Variants in KDM2B observed in about 807,000 individuals in gnomAD.
KDM2B encodes the protein lysine demethylase 2B.
A neutral mutation model predicts 150.0 loss-of-function variants in KDM2B; 26 were observed. The observed-to-expected ratio is 0.17, with a 90% CI of 0.13 to 0.24. The LOEUF (loss-of-function observed/expected upper bound fraction) is 0.24. Ranked by LOEUF, KDM2B falls within the 10% of genes least tolerant of loss-of-function variation. KDM2B has a pLI of 1.00. For synonymous variants in KDM2B, 734 were observed against 729.5 expected (o/e 1.01, Z -0.10); for missense variants, 1,265 against 1,816.9 (o/e 0.70, Z 5.52).
In KDM2B at chr12:121,450,459, A is replaced by T. The variant is rs76883207; in HGVS notation, c.1959+2661T>A. ...GCTCAACATCACTAAGAATTAGGGA[A>T]AAGTAAATCAAAACTACAGTGAGAC... On this transcript the variant is annotated intron_variant, in intron 13 of 22. Coordinates refer to ENST00000377071, the MANE Select transcript of KDM2B (RefSeq NM_032590.5). Among the ~76,000 whole-genome samples, 797 of 152,362 alleles carry T rather than the reference A, an allele frequency of 5.2e-3. 5 individuals are homozygous for T. The highest frequency in any genetic ancestry group is 0.018 in the African/African-American group (762 of 41,582).
rs781856001 is a variant in KDM2B at position 121,430,396 on chromosome 12, C to T, written c.3903G>A (p.Arg1301=). The change falls in exon 23 of 23, where the codon AGG becomes AGA. Residue 1301 remains arginine, a synonymous_variant. Transcript: ENST00000377071. This position sits in a 1 kb window ranked among gnomAD's most constrained non-coding sequence, Gnocchi z 4.4. ...CTTCCTTGGTGACTTGCTTGCAGTA[C>T]CTCAGGTCAATATGACAGATGTTTC... ...RCGNICHIDL[R]YCKQVTKEGC... The T allele has an allele frequency of 1.9e-6, 3 of 1,614,122 alleles. No individual in the cohort carries two copies. The highest frequency in any genetic ancestry group is 3.3e-4 in the Middle Eastern group (2 of 6,062).
Position 121,441,114 on chromosome 12 carries a change from T to C in KDM2B, c.3404A>G (p.Asn1135Ser), listed in dbSNP as rs200627052. The C allele has an allele frequency of 7.3e-5, 118 of 1,614,046 alleles. No individual in the cohort carries two copies. The highest frequency in any genetic ancestry group is 7.6e-6 in the Non-Finnish European group (9 of 1,180,028). ...CCAGCTCAGCTGCTTCTTGGAGATA[T>C]TGGTCCAGCTGAGGTCGAGGGAGAC... ...QPVSLDLSWT[N>S]ISKKQLSWLI... Residue 1135 changes from asparagine (N) to serine (S), a missense_variant, in exon 20 of 23, where the codon AAT becomes AGT. Transcript: ENST00000377071.
At position 121,453,429 on chromosome 12, in the gene KDM2B, T is replaced by C. The variant is rs781933460; in HGVS notation, c.1735-85A>G. 6.7e-6 allele frequency: 7 copies of C among 1,044,244 alleles called. No homozygotes were observed. The highest frequency in any genetic ancestry group is 9.7e-6 in the Non-Finnish European group (7 of 724,624). The allele number at this position is 1,044,244 out of a possible 1,614,324, so 64.7% of individuals were successfully genotyped here. A position where few individuals can be genotyped will look rare whatever the true frequency, so the allele number is the denominator to read the frequency against. On this transcript the variant is annotated intron_variant, in intron 12 of 22. Coordinates refer to ENST00000377071, the MANE Select transcript of KDM2B (RefSeq NM_032590.5). This position sits in a 1 kb window ranked among gnomAD's most constrained non-coding sequence, Gnocchi z 6.4. ...GGAAAGGGTGTTAGGGAGCAAACTG[T>C]GTACCCCCAGAAAGACACGATGGGG...
At chr12:121,490,939 C>T (rs1167354247) in intron 12 of KDM2B, among the ~76,000 whole-genome samples, 1 of 152,176 alleles carries the variant, frequency 6.6e-6, no homozygotes, top group Non-Finnish European at 1.5e-5. Flanking sequence ...CCCTACCTCG[C>T]ATCCTGAGGG....
chr12:121,467,403 G>C lies in KDM2B; in HGVS notation c.1735-14059C>G, dbSNP rs1457414389. Reference sequence around the variant, plus strand: ...TGGAGGGGGCGGGGAGGGGCCGGCGGGGGAGGGCCGGGGCGCCATGCATAT... The same window carrying C: ...TGGAGGGGGCGGGGAGGGGCCGGCGCGGGAGGGCCGGGGCGCCATGCATAT... On this transcript the variant is annotated intron_variant, in intron 12 of 22. Transcript: ENST00000377071. This position sits in a 1 kb window ranked among gnomAD's most constrained non-coding sequence, Gnocchi z 5.1. 7.5e-6 allele frequency: 7 copies of C among 938,966 alleles called. No individual in the cohort carries two copies. Among genetic ancestry groups the C allele is most frequent in the Non-Finnish European group, 8.9e-6 (7 of 790,182 alleles). 58.2% of individuals were successfully genotyped at this position (938,966 alleles called of 1,614,324 possible).
At chr12:121,441,683 C>T (rs537927322) in intron 19 of KDM2B, among the ~76,000 whole-genome samples, 1 of 152,240 alleles carries the variant, frequency 6.6e-6, no homozygotes, top group Admixed American at 6.5e-5. Flanking sequence ...GTGATCCGCC[C>T]GCAAAGCGCT....
intron 6 of KDM2B, among the ~76,000 whole-genome samples, chr12:121,545,022 T>C (rs1888913632): frequency 1.3e-5 from 2 of 152,248 alleles, no homozygotes; most frequent in Admixed American, 1.3e-4. Context: ...TCTTCCCTAC[T>C]GCAGTCCTTC....
chr12:121,508,606 C>T (rs868987962), intron 11 of KDM2B, among the ~76,000 whole-genome samples: 1 of 152,146 alleles, frequency 6.6e-6, no homozygotes, highest in African/African-American at 2.4e-5. Context: ...AACCAAAAAG[C>T]CTTACTAATG....
chr12:121,454,966 A>G (rs1238384271), intron 12 of KDM2B, among the ~76,000 whole-genome samples: 1 of 152,120 alleles, frequency 6.6e-6, no homozygotes, highest in Non-Finnish European at 1.5e-5. Flanking sequence ...GAAGAAAAAC[A>G]GCCCCCCTTT....
intron 11 of KDM2B, among the ~76,000 whole-genome samples, chr12:121,508,155 T>C (rs1885261939): frequency 6.6e-6 from 1 of 152,034 alleles, no homozygotes; most frequent in African/African-American, 2.4e-5. Context: ...GGCGAGACCA[T>C]GGCTCCCTAT....
At position 121,437,538 on chromosome 12, in the gene KDM2B, G is replaced by A. The variant is rs373398676; in HGVS notation, c.3829+2319C>T. Among the ~76,000 whole-genome samples the A allele has an allele frequency of 1.3e-4, 20 of 152,226 alleles. 1 individual carries two copies. The East Asian group carries it at 2.7e-3, about 21-fold the overall frequency. ...AAAAAGAAATTGCAGTATATGGGCTGCCAAAGCAAGCACTAGGCTTGCTAT... is the reference window on the plus strand; with the variant it reads ...AAAAAGAAATTGCAGTATATGGGCTACCAAAGCAAGCACTAGGCTTGCTAT... On this transcript the variant is annotated intron_variant, in intron 22 of 22. Coordinates refer to ENST00000377071, the MANE Select transcript of KDM2B (RefSeq NM_032590.5).
chr12:121,460,360 T>C (rs1555293572), intron 12 of KDM2B, among the ~76,000 whole-genome samples: 1 of 152,170 alleles, frequency 6.6e-6, no homozygotes, highest in African/African-American at 2.4e-5. Context: ...AACCAGGAGG[T>C]GGAGGTTCCA....
chr12:121,466,894 G>A (rs1407890378), intron 12 of KDM2B, among the ~76,000 whole-genome samples: 1 of 146,464 alleles, frequency 6.8e-6, no homozygotes, highest in African/African-American at 2.5e-5. Flanking sequence ...GCGAGGCCCG[G>A]CGGCCCACAT....
chr12:121,496,900 G>GC (rs1319236053), intron 11 of KDM2B, among the ~76,000 whole-genome samples: 6 of 152,022 alleles, frequency 3.9e-5, no homozygotes, highest in African/African-American at 4.8e-5. Context: ...GCAGGTGTGA[G>GC]CCCCCCAAAG....
chr12:121,427,709 G>A (rs1034568594), downstream of KDM2B, among the ~76,000 whole-genome samples: 5 of 134,956 alleles, frequency 3.7e-5, no homozygotes, highest in Non-Finnish European at 6.8e-5. Context: ...ACATCCATGT[G>A]GTGGCTTGGA....
Position 121,430,170 on chromosome 12 carries a change from AAATGG to A in KDM2B, c.*113_*117del. On this transcript the variant is annotated 3_prime_UTR_variant, in exon 23 of 23. Coordinates refer to ENST00000377071, the MANE Select transcript of KDM2B (RefSeq NM_032590.5). This position sits in a 1 kb window ranked among gnomAD's most constrained non-coding sequence, Gnocchi z 4.4. ...AGCTTCTCCCTTGGAAAGACTTGCAAAATGGAATTGCGTTGTGGTCTGTTGTCCCA... is the reference window on the plus strand; with the variant it reads ...AGCTTCTCCCTTGGAAAGACTTGCAAAATTGCGTTGTGGTCTGTTGTCCCA... 6.2e-7 allele frequency: 1 copy of A among 1,614,218 alleles called. No homozygotes were observed. The highest frequency in any genetic ancestry group is 8.5e-7 in the Non-Finnish European group (1 of 1,180,022).
chr12:121,409,146 A>AT, the KDM2B span, among the ~76,000 whole-genome samples: 8 of 151,876 alleles, frequency 5.3e-5, no homozygotes, highest in Non-Finnish European at 1.0e-4. Flanking sequence ...TGCCCGGCTA[A>AT]TTTTTGTATT....
intron 6 of KDM2B, among the ~76,000 whole-genome samples, chr12:121,542,763 C>T (rs899265576): frequency 2.0e-5 from 3 of 152,166 alleles, no homozygotes; most frequent in Admixed American, 6.5e-5. Flanking sequence ...AGTATTCATT[C>T]AGCCCAATCC....
chr12:121,420,530 G>A, the KDM2B span: 1 of 1,597,152 alleles, frequency 6.3e-7, no homozygotes, highest in Admixed American at 1.7e-5. Flanking sequence ...GAGTGGGGAG[G>A]GTCTGGACTT....
Sources: allele counts gnomAD v4.1 joint callset (sites outside exome capture counted in the v4.1 genomes callset), GRCh38; gene constraint gnomAD v4.1.1; non-coding constraint Gnocchi (gnomAD v3.1); transcripts MANE v1.5; gene names NCBI Gene and HGNC (gene_info 2026-07-23, HGNC 2026-07-21).